The following BRD10 variants were observed in gnomAD, a reference collection of about 807,000 sequenced individuals.
BRD10 encodes the protein uncharacterized bromodomain-containing protein 10.
At chr9:5,928,591 C>A in the BRD10 span, among the ~76,000 whole-genome samples, 2 of 152,134 alleles carry the variant, frequency 1.3e-5, no homozygotes, top group African/African-American at 2.4e-5. Flanking sequence ...AACATGCTAT[C>A]AACTCTAGGG....
chr9:6,007,776 G>T, the BRD10 span: 1 of 1,556,336 alleles, frequency 6.4e-7, no homozygotes, highest in South Asian at 1.2e-5. Context: ...CCGGCGTCCC[G>T]GGCACACTCA....
chr9:5,890,139 T>C, the BRD10 span, among the ~76,000 whole-genome samples: 2 of 152,200 alleles, frequency 1.3e-5, no homozygotes, highest in Non-Finnish European at 2.9e-5. Context: ...CCAGTTTAGT[T>C]TGGATTTCAG....
At chr9:5,915,955 T>C in the BRD10 span, among the ~76,000 whole-genome samples, 3 of 152,216 alleles carry the variant, frequency 2.0e-5, no homozygotes, top group Non-Finnish European at 4.4e-5. Flanking sequence ...TTTGATTCTC[T>C]AATACTTCTT....
the BRD10 span, among the ~76,000 whole-genome samples, chr9:5,973,237 C>T: frequency 6.6e-6 from 1 of 152,110 alleles, no homozygotes; most frequent in Non-Finnish European, 1.5e-5. Flanking sequence ...GAGGCCAAGG[C>T]AGGCAGATCA....
chr9:5,953,313 A>G, the BRD10 span, among the ~76,000 whole-genome samples: 1 of 152,272 alleles, frequency 6.6e-6, no homozygotes, highest in Non-Finnish European at 1.5e-5. Context: ...GACGTTTTTA[A>G]AGAAAGTGTT....
the BRD10 span, among the ~76,000 whole-genome samples, chr9:5,951,923 CCTCT>C: frequency 6.6e-6 from 1 of 152,080 alleles, no homozygotes; most frequent in African/African-American, 2.4e-5. Flanking sequence ...GACTATTACT[CCTCT>C]CTATCCTCTC....
At chr9:5,999,310 CTT>C in the BRD10 span, among the ~76,000 whole-genome samples, 1 of 151,972 alleles carries the variant, frequency 6.6e-6, no homozygotes, top group South Asian at 2.1e-4. Context: ...CAAAATTTCT[CTT>C]ATATCTAGCA....
At chr9:5,944,694 G>C in the BRD10 span, among the ~76,000 whole-genome samples, 7 of 152,094 alleles carry the variant, frequency 4.6e-5, no homozygotes, top group East Asian at 1.3e-3. Context: ...CACGATTTCT[G>C]TCTATTAAAA....
At chr9:5,957,949 G>T in the BRD10 span, among the ~76,000 whole-genome samples, 11 of 152,070 alleles carry the variant, frequency 7.2e-5, no homozygotes, top group African/African-American at 2.7e-4. Flanking sequence ...CATATCCCAG[G>T]CCTTTTACTT....
the BRD10 span, chr9:5,907,178 AAAT>A: frequency 3.5e-5 from 13 of 372,156 alleles, no homozygotes; most frequent in Non-Finnish European, 4.7e-5. Context: ...AATAAAAAAT[AAAT>A]AATAATAAAA....
At chr9:5,936,781 A>G in the BRD10 span, among the ~76,000 whole-genome samples, 2 of 152,184 alleles carry the variant, frequency 1.3e-5, no homozygotes, top group Non-Finnish European at 2.9e-5. Flanking sequence ...TCATTTTTTT[A>G]CCTTAACCTT....
the BRD10 span, among the ~76,000 whole-genome samples, chr9:5,885,173 C>G: frequency 5.3e-5 from 8 of 152,170 alleles, no homozygotes; most frequent in Non-Finnish European, 8.8e-5. Flanking sequence ...ACCATCAGAA[C>G]CTCTCTGTCC....
chr9:5,939,980 A>T, the BRD10 span, among the ~76,000 whole-genome samples: 1 of 152,216 alleles, frequency 6.6e-6, no homozygotes, highest in African/African-American at 2.4e-5. Context: ...AGCATCTCTG[A>T]TCTAAGCTTC....
chr9:5,891,974 C>T, the BRD10 span, among the ~76,000 whole-genome samples: 2 of 152,170 alleles, frequency 1.3e-5, no homozygotes, highest in South Asian at 2.1e-4. Flanking sequence ...GGGAAACACA[C>T]GTTATGTATC....
chr9:5,950,228 C>T, the BRD10 span, among the ~76,000 whole-genome samples: 1 of 151,964 alleles, frequency 6.6e-6, no homozygotes, highest in African/African-American at 2.4e-5. Flanking sequence ...GGAAAGAGTG[C>T]TAAGGGTCAA....
chr9:5,939,440 A>C, the BRD10 span, among the ~76,000 whole-genome samples: 8 of 152,206 alleles, frequency 5.3e-5, no homozygotes, highest in Non-Finnish European at 1.0e-4. Flanking sequence ...TTTGTAACTT[A>C]TTTCCTATAC....
chr9:5,961,968 C>G, the BRD10 span, among the ~76,000 whole-genome samples: 1 of 151,832 alleles, frequency 6.6e-6, no homozygotes, highest in South Asian at 2.1e-4. Flanking sequence ...TTTTTTGTGT[C>G]TCTATTTCCT....
the BRD10 span, chr9:5,898,905 T>C: frequency 6.6e-6 from 1 of 152,240 alleles, no homozygotes; most frequent in Non-Finnish European, 1.5e-5. Flanking sequence ...CCTTCTTAGA[T>C]GGCCAAAGGT....
chr9:5,919,986 T>C, the BRD10 span: 1 of 1,613,976 alleles, frequency 6.2e-7, no homozygotes, highest in South Asian at 1.1e-5. Context: ...ATTACTGAAG[T>C]CAGTGATACT....
Sources: gnomAD v4.1 joint callset for allele counts (sites outside exome capture counted in the v4.1 genomes callset) on GRCh38, gnomAD v4.1.1 for gene constraint, MANE v1.5 for transcripts, NCBI Gene and HGNC (gene_info 2026-07-23, HGNC 2026-07-21) for gene names.